ADAM11: variants seen among roughly 807,000 people sequenced by gnomAD.
ADAM11 encodes ADAM metallopeptidase domain 11.
In ADAM11, 49 loss-of-function variants were observed where a neutral mutation model predicts 119.1. The ratio of observed to expected loss-of-function variants is 0.41; its 90% CI spans 0.33 to 0.52. The LOEUF is 0.52. Among genes scored for constraint, ADAM11 ranks in the 20% least tolerant of loss-of-function variants. The pLI is 0.20. For synonymous variants in ADAM11, 364 were observed against 408.0 expected, an observed-to-expected ratio of 0.89 and a Z score of 1.30; for missense variants, 777 against 1,047.5, an observed-to-expected ratio of 0.74 and a Z score of 3.56.
In ADAM11 at chr17:44,780,272, G is replaced by A. The variant is rs2049675176; in HGVS notation, c.*518G>A. On this transcript the variant is annotated 3_prime_UTR_variant, in exon 27 of 27. Coordinates refer to ENST00000200557, the MANE Select transcript of ADAM11 (RefSeq NM_002390.6). ...ATGTGGGGATGTTTTGACATTTACA[G>A]GAGGGCCCGGAGAAACTGAGGTATG... is the stretch of plus-strand genomic sequence containing the variant. 1 of 412,430 alleles carries A rather than the reference G, an allele frequency of 2.4e-6. No homozygotes were observed. Among genetic ancestry groups the A allele is most frequent in the Non-Finnish European group, 4.7e-6 (1 of 212,042 alleles). 25.5% of individuals were successfully genotyped at this position (412,430 alleles called of 1,614,324 possible). A position where few individuals can be genotyped will look rare whatever the true frequency, so the allele number is the denominator to read the frequency against.
Position 44,772,837 on chromosome 17 carries a change from A to G in ADAM11, c.679-20A>G. On this transcript the variant is annotated intron_variant, in intron 8 of 26. Coordinates refer to ENST00000200557, the MANE Select transcript of ADAM11 (RefSeq NM_002390.6). This position sits in a 1 kb window ranked among gnomAD's most constrained non-coding sequence, Gnocchi z 4.5. ...TCAGACATGGAAGGGACTGATTCCAAGTGCCCACCCACCCCCCAGGTCCGC... is the reference window on the plus strand; with the variant it reads ...TCAGACATGGAAGGGACTGATTCCAGGTGCCCACCCACCCCCCAGGTCCGC... 6.2e-7 allele frequency: 1 copy of G among 1,611,918 alleles called. No individual in the cohort carries two copies. Among genetic ancestry groups the G allele is most frequent in the East Asian group, 2.2e-5 (1 of 44,850 alleles).
chr17:44,779,303 TCTC>T, intron 26 of ADAM11, 64 bp downstream of exon 26: 1 of 1,522,340 alleles, frequency 6.6e-7, no homozygotes, highest in Middle Eastern at 1.7e-4. Context: ...GCTGTCCTTG[TCTC>T]CTCCATCTCA....
chr17:44,768,278 T>C (rs1451201050), intron 2 of ADAM11, among the ~76,000 whole-genome samples: 2 of 152,196 alleles, frequency 1.3e-5, no homozygotes, highest in Non-Finnish European at 2.9e-5. Context: ...TTCGGGCTGA[T>C]CAATGCTCTA....
intron 2 of ADAM11, among the ~76,000 whole-genome samples, chr17:44,769,469 C>T (rs2049490056): frequency 6.6e-6 from 1 of 152,234 alleles, no homozygotes; most frequent in Non-Finnish European, 1.5e-5. Flanking sequence ...TGCACAGGTG[C>T]CCGGGCCCAG....
At chr17:44,771,969 C>G in intron 6 of ADAM11, 138 bp downstream of exon 6, 1 of 1,001,166 alleles carries the variant, frequency 1.0e-6, no homozygotes, top group Non-Finnish European at 1.5e-6. Flanking sequence ...GTGACCCCAG[C>G]TCTGGTTCCC....
intron 11 of ADAM11, among the ~76,000 whole-genome samples, 182 bp from the exon 12 acceptor site, chr17:44,774,113 G>GAAAGA: frequency 1.1e-5 from 1 of 91,020 alleles, no homozygotes; most frequent in South Asian, 4.2e-4. Flanking sequence ...GAAAAAGAAA[G>GAAAGA]AAAAAAAAGA....
intron 2 of ADAM11, among the ~76,000 whole-genome samples, chr17:44,768,408 C>T (rs1157007146): frequency 6.6e-6 from 1 of 152,188 alleles, no homozygotes; most frequent in Non-Finnish European, 1.5e-5. Flanking sequence ...GCTCCTCTCC[C>T]AGGACCTCTC....
Position 44,780,371 on chromosome 17 carries a change from T to C in ADAM11, c.*617T>C. 1 of 340,492 alleles carries C rather than the reference T, an allele frequency of 2.9e-6. No individual in the cohort carries two copies. The highest frequency in any genetic ancestry group is 2.3e-5 in the South Asian group (1 of 42,968). The allele number at this position is 340,492 out of a possible 1,614,324, so 21.1% of individuals were successfully genotyped here. A position where few individuals can be genotyped will look rare whatever the true frequency, so the allele number is the denominator to read the frequency against. On this transcript the variant is annotated 3_prime_UTR_variant, in exon 27 of 27. Transcript: ENST00000200557. ...ACTGAGCACAGTCAGGGGCTGGGCATCCCAGCTTGCCCCCGCTTAGCCCCG... is the reference window on the plus strand; with the variant it reads ...ACTGAGCACAGTCAGGGGCTGGGCACCCCAGCTTGCCCCCGCTTAGCCCCG...
chr17:44,779,360 C>T lies in ADAM11; in HGVS notation c.2294+121C>T. On this transcript the variant is annotated intron_variant, in intron 26 of 26. Coordinates refer to ENST00000200557, the MANE Select transcript of ADAM11 (RefSeq NM_002390.6). ...GTTGATGGGGAGCGGGGGCTGATTCCCCCACCCCTGCTGCCAGGCTGTCCC... is the reference window on the plus strand; with the variant it reads ...GTTGATGGGGAGCGGGGGCTGATTCTCCCACCCCTGCTGCCAGGCTGTCCC... 4.8e-6 allele frequency: 7 copies of T among 1,467,114 alleles called. No homozygotes were observed. The South Asian group carries it at 8.8e-5, about 19-fold the overall frequency. 90.9% of individuals were successfully genotyped at this position (1,467,114 alleles called of 1,614,324 possible).
In ADAM11 at chr17:44,772,491, G is replaced by A. The variant is rs1437274971; in HGVS notation, c.678+25G>A. Reference sequence around the variant, plus strand: ...GGTACGGGGGCCCGCACAGACCTCGGGCTGCAGAGACCTCGGGCTGCAGAG... The same window carrying A: ...GGTACGGGGGCCCGCACAGACCTCGAGCTGCAGAGACCTCGGGCTGCAGAG... On this transcript the variant is annotated intron_variant, in intron 8 of 26. Transcript: ENST00000200557. The surrounding 1 kb of genome is among the most constrained non-coding windows in gnomAD (Gnocchi z 4.5). The A allele has an allele frequency of 2.6e-6, 4 of 1,555,670 alleles. No individual in the cohort carries two copies. The highest frequency in any genetic ancestry group is 3.5e-6 in the Non-Finnish European group (4 of 1,150,434).
In ADAM11 at chr17:44,769,966, G is replaced by T. The variant is rs1420086852; in HGVS notation, c.315-16G>T. On this transcript the variant is annotated splice_polypyrimidine_tract_variant and intron_variant, in intron 3 of 26. Coordinates refer to ENST00000200557, the MANE Select transcript of ADAM11 (RefSeq NM_002390.6). ...CTCGCCCGTGACCCCCCTTCCTGCTGCCCCCTCTGTCTCAGCCACCTCCTC... is the reference window on the plus strand; with the variant it reads ...CTCGCCCGTGACCCCCCTTCCTGCTTCCCCCTCTGTCTCAGCCACCTCCTC... The T allele has an allele frequency of 6.2e-7, 1 of 1,613,818 alleles. No homozygotes were observed. Among genetic ancestry groups the T allele is most frequent in the Non-Finnish European group, 8.5e-7 (1 of 1,179,900 alleles).
In ADAM11 at chr17:44,759,194, C is replaced by A; in HGVS notation, c.-6C>A. On this transcript the variant is annotated 5_prime_UTR_variant, in exon 1 of 27. Transcript: ENST00000200557. ...CAGCCCCCGGACCGGGAGGAATGAG[C>A]GAGCCATGAGGCTGCTGCGGCGCTG... 1 of 1,352,908 alleles carries A rather than the reference C, an allele frequency of 7.4e-7. No individual in the cohort carries two copies. The allele number at this position is 1,352,908 out of a possible 1,614,324, so 83.8% of individuals were successfully genotyped here. A position where few individuals can be genotyped will look rare whatever the true frequency, so the allele number is the denominator to read the frequency against.
At position 44,778,045 on chromosome 17, in the gene ADAM11, G is replaced by A. The variant is rs373897068; in HGVS notation, c.2164G>A (p.Gly722Arg). ...CCCCCTGCCCACGTCCCCACCCACGGGGGAGACGGAGAGATATAAAGGTGA... is the reference window on the plus strand; with the variant it reads ...CCCCCTGCCCACGTCCCCACCCACGAGGGAGACGGAGAGATATAAAGGTGA... ...HNPLPTSPPT[G>R]ETERYKGPSG... The change falls in exon 24 of 27, where the codon GGG becomes AGG. Residue 722 changes from glycine (G) to arginine (R), a missense_variant. Coordinates refer to ENST00000200557, the MANE Select transcript of ADAM11 (RefSeq NM_002390.6). 10 of 1,613,524 alleles carry A rather than the reference G, an allele frequency of 6.2e-6. No individual in the cohort carries two copies. The highest frequency in any genetic ancestry group is 8.5e-6 in the Non-Finnish European group (10 of 1,179,692).
chr17:44,763,617 TCACTC>T (rs2049414684), intron 2 of ADAM11, among the ~76,000 whole-genome samples: 1 of 152,212 alleles, frequency 6.6e-6, no homozygotes, highest in Non-Finnish European at 1.5e-5. Flanking sequence ...GGCTGGTTGT[TCACTC>T]CACTAGGGTG....
In ADAM11 at chr17:44,777,123, G is replaced by A. The variant is rs1388325961; in HGVS notation, c.1682-43G>A. On this transcript the variant is annotated intron_variant, in intron 20 of 26. Coordinates refer to ENST00000200557, the MANE Select transcript of ADAM11 (RefSeq NM_002390.6). This position sits in a 1 kb window ranked among gnomAD's most constrained non-coding sequence, Gnocchi z 5.1. Reference sequence around the variant, plus strand: ...GATGCAGGCCTGAGGTCTTGGGGTGGGTCCTGGGGCGCGTGGGGTCACTTG... The same window carrying A: ...GATGCAGGCCTGAGGTCTTGGGGTGAGTCCTGGGGCGCGTGGGGTCACTTG... The A allele has an allele frequency of 5.8e-6, 9 of 1,562,414 alleles. No homozygotes were observed. Among genetic ancestry groups the A allele is most frequent in the African/African-American group, 1.4e-5 (1 of 73,910 alleles).
At position 44,766,741 on chromosome 17, in the gene ADAM11, C is replaced by T. The variant is rs1006060397; in HGVS notation, c.238-2977C>T. Among the ~76,000 whole-genome samples, 5 of 152,008 alleles carry T rather than the reference C, an allele frequency of 3.3e-5. No homozygotes were observed. The South Asian group carries it at 8.3e-4, about 25-fold the overall frequency. On this transcript the variant is annotated intron_variant, in intron 2 of 26. Coordinates refer to ENST00000200557, the MANE Select transcript of ADAM11 (RefSeq NM_002390.6). ...GAGCTGGAGCATGTGAGAGCCTGGG[C>T]AGCCGGGGGAGCAAGAGACAAGTGC...
intron 1 of ADAM11, 120 bp downstream of exon 1, chr17:44,759,380 G>A: frequency 7.9e-7 from 1 of 1,263,924 alleles, no homozygotes; most frequent in East Asian, 3.2e-5. Context: ...TCCGGAGCGC[G>A]GGAGGGTAGG....
chr17:44,765,610 C>CTTTTTTTTTTTTTTTTT (rs748123040), intron 2 of ADAM11, among the ~76,000 whole-genome samples: 55 of 99,876 alleles, frequency 5.5e-4, no homozygotes, highest in African/African-American at 1.1e-3. Context: ...TTTCTTTTCT[C>CTTTTTTTTTTTTTTTTT]TTTTTTTTTT....
At chr17:44,769,334 C>A (rs2049488863) in intron 2 of ADAM11, among the ~76,000 whole-genome samples, 1 of 152,186 alleles carries the variant, frequency 6.6e-6, no homozygotes, top group African/African-American at 2.4e-5. Flanking sequence ...ACTCCTGGGG[C>A]CCTCCCGTTA....
Sources: allele counts gnomAD v4.1 joint callset (sites outside exome capture counted in the v4.1 genomes callset), GRCh38; gene constraint gnomAD v4.1.1; non-coding constraint Gnocchi (gnomAD v3.1); transcripts MANE v1.5; gene names NCBI Gene and HGNC (gene_info 2026-07-23, HGNC 2026-07-21).